AGO3: variants seen among roughly 807,000 people sequenced by gnomAD.
The protein encoded by AGO3 is argonaute RISC catalytic component 3, also known as protein argonaute-3.
AGO3 carries 16 observed loss-of-function variants against 105.5 expected under a neutral mutation model. The ratio of observed to expected loss-of-function variants is 0.15; its 90% CI spans 0.10 to 0.23. The LOEUF (loss-of-function observed/expected upper bound fraction) is 0.23. AGO3 is among the 10% of genes least tolerant of loss of function. The pLI, the probability that AGO3 is intolerant of heterozygous loss-of-function variation, is 1.00. For missense variants in AGO3, 534 were observed against 1,088.0 expected, an observed-to-expected ratio of 0.49 and a Z score of 7.16; for synonymous variants, 340 against 367.3, an observed-to-expected ratio of 0.93 and a Z score of 0.85.
chr1:36,019,950 T>A (rs948470687), intron 11 of AGO3, among the ~76,000 whole-genome samples: 8 of 152,130 alleles, frequency 5.3e-5, no homozygotes, highest in African/African-American at 1.9e-4. Context: ...TTGTATTTTT[T>A]AAGTAGAGAC....
rs758557420 is a variant in AGO3, at chr1:36,013,995, G to T, written c.1353G>T (p.Met451Ile). ...KQFHTGVEIK[M>I]WAIACFATQR... ...TCCACACAGGAGTTGAAATCAAAATGTGGGCTATCGCTTGTTTTGCCACAC... is the reference window on the plus strand; with the variant it reads ...TCCACACAGGAGTTGAAATCAAAATTTGGGCTATCGCTTGTTTTGCCACAC... Residue 451 changes from methionine to isoleucine, a missense_variant, in exon 11 of 19, where the codon ATG becomes ATT. Transcript: ENST00000373191. The T allele has an allele frequency of 1.9e-6, 3 of 1,614,010 alleles. No homozygotes were observed. Among genetic ancestry groups the T allele is most frequent in the Non-Finnish European group, 2.5e-6 (3 of 1,180,038 alleles).
At chr1:36,010,629 C>T (rs1640560893) in intron 9 of AGO3, among the ~76,000 whole-genome samples, 2 of 149,286 alleles carry the variant, frequency 1.3e-5, no homozygotes, top group African/African-American at 4.9e-5. Context: ...AAAAGAAGGT[C>T]GGGTGCGGTG....
At chr1:35,963,046 T>G (rs1217782520) in intron 2 of AGO3, among the ~76,000 whole-genome samples, 1 of 152,060 alleles carries the variant, frequency 6.6e-6, no homozygotes, top group Non-Finnish European at 1.5e-5. Context: ...CCTCAAGGAG[T>G]GCAGGTTAGT....
intron 11 of AGO3, among the ~76,000 whole-genome samples, chr1:36,018,827 A>G (rs1209661278): frequency 1.3e-5 from 2 of 152,056 alleles, no homozygotes; most frequent in African/African-American, 2.4e-5. Context: ...AACAGGCATG[A>G]ACTTGGAAAA....
chr1:36,055,363 A>C lies in AGO3; in HGVS notation c.2474+218A>C. On this transcript the variant is annotated intron_variant, in intron 18 of 18. Coordinates refer to ENST00000373191, the MANE Select transcript of AGO3 (RefSeq NM_024852.4). This position sits in a 1 kb window ranked among gnomAD's most constrained non-coding sequence, Gnocchi z 4.4. ...GTTTTACTACATTAATTCAAAGGAG[A>C]GATTATTGGTAATAAAGTGATACAT... The C allele has an allele frequency of 1.6e-6, 1 of 614,136 alleles. No homozygotes were observed. Among genetic ancestry groups the C allele is most frequent in the African/African-American group, 1.8e-5 (1 of 54,236 alleles). 38.0% of individuals were successfully genotyped at this position (614,136 alleles called of 1,614,324 possible).
At chr1:36,005,586 A>G (rs1230780712) in intron 6 of AGO3, 2 of 329,962 alleles carry the variant, frequency 6.1e-6, no homozygotes, top group African/African-American at 4.5e-5. Context: ...ATTACCTACC[A>G]TTAATATGTG....
intron 11 of AGO3, among the ~76,000 whole-genome samples, chr1:36,017,903 C>T (rs1420707900): frequency 6.6e-6 from 1 of 151,496 alleles, no homozygotes; most frequent in Non-Finnish European, 1.5e-5. Context: ...ACCCTGTCTC[C>T]AAAAAGGAAA....
chr1:36,039,546 T>A (rs567826130), intron 14 of AGO3, among the ~76,000 whole-genome samples: 54 of 149,356 alleles, frequency 3.6e-4, no homozygotes, highest in Admixed American at 7.3e-4. Context: ...GGGGTCTTGC[T>A]ATTTTGCCCA....
chr1:36,043,436 A>C lies in AGO3; in HGVS notation c.2173-11A>C, dbSNP rs1281843398. The C allele has an allele frequency of 6.2e-7, 1 of 1,609,504 alleles. No individual in the cohort carries two copies. Among genetic ancestry groups the C allele is most frequent in the African/African-American group, 1.3e-5 (1 of 74,826 alleles). Reference sequence around the variant, plus strand: ...TTCTTGTTTGTTTAAACTTTAACCAAACAAATCTAGGTTGGAAGAAGTGGC... The same window carrying C: ...TTCTTGTTTGTTTAAACTTTAACCACACAAATCTAGGTTGGAAGAAGTGGC... On this transcript the variant is annotated splice_polypyrimidine_tract_variant and intron_variant, in intron 16 of 18. Coordinates refer to ENST00000373191, the MANE Select transcript of AGO3 (RefSeq NM_024852.4).
chr1:35,951,471 C>T (rs1045820166), intron 2 of AGO3, among the ~76,000 whole-genome samples: 2 of 152,090 alleles, frequency 1.3e-5, no homozygotes, highest in Admixed American at 6.6e-5. Context: ...GATCACAGTT[C>T]ACTGCAGCCT....
rs1219486652 is a variant in AGO3 at position 36,057,542 on chromosome 1, A to C, written c.*1797A>C. On this transcript the variant is annotated 3_prime_UTR_variant, in exon 19 of 19. Coordinates refer to ENST00000373191, the MANE Select transcript of AGO3 (RefSeq NM_024852.4). The stretch of plus-strand genomic sequence containing the variant: ...TCTTTTAGTGCAATAAGCAGTTTTA[A>C]AGGAAAGTTGTGTCTGCATCTTTAC... The C allele has an allele frequency of 6.6e-6, 1 of 152,190 alleles. No individual in the cohort carries two copies. The highest frequency in any genetic ancestry group is 2.4e-5 in the African/African-American group (1 of 41,452). The allele number at this position is 152,190 out of a possible 1,614,324, so 9.4% of individuals were successfully genotyped here. A position where few individuals can be genotyped will look rare whatever the true frequency, so the allele number is the denominator to read the frequency against.
intron 2 of AGO3, among the ~76,000 whole-genome samples, chr1:35,951,176 C>T (rs1333731203): frequency 6.6e-6 from 1 of 152,194 alleles, no homozygotes; most frequent in Non-Finnish European, 1.5e-5. Context: ...GTCTCGAACT[C>T]CTGACCTCAG....
At chr1:35,983,882 A>G (rs1223405599) in intron 5 of AGO3, among the ~76,000 whole-genome samples, 1 of 152,246 alleles carries the variant, frequency 6.6e-6, no homozygotes, top group Non-Finnish European at 1.5e-5. Context: ...TATGGAACAT[A>G]TAGATAGACA....
rs1425476989 is a variant in AGO3, at chr1:36,061,757, G to A, written c.*6012G>A. ...TTTAATCATTTTTTAAAGCAAGGCG[G>A]TTCTTAGAAAGTGCCTTTTCAGAAG... On this transcript the variant is annotated 3_prime_UTR_variant, in exon 19 of 19. Transcript: ENST00000373191. 2 of 152,178 alleles carry A rather than the reference G, an allele frequency of 1.3e-5. No individual in the cohort carries two copies. The highest frequency in any genetic ancestry group is 4.8e-5 in the African/African-American group (2 of 41,444). 9.4% of individuals were successfully genotyped at this position (152,178 alleles called of 1,614,324 possible).
At chr1:36,039,175 G>C (rs187845640) in intron 14 of AGO3, among the ~76,000 whole-genome samples, 1 of 152,218 alleles carries the variant, frequency 6.6e-6, no homozygotes, top group Non-Finnish European at 1.5e-5. Flanking sequence ...TCTTCAACGG[G>C]AAGTACTATT....
intron 1 of AGO3, among the ~76,000 whole-genome samples, chr1:35,932,574 T>C (rs1382457450): frequency 1.3e-5 from 2 of 149,568 alleles, no homozygotes; most frequent in Non-Finnish European, 3.0e-5. Context: ...TTTTTTTTTT[T>C]ACAAATTTTG....
intron 12 of AGO3, among the ~76,000 whole-genome samples, chr1:36,031,932 C>CCACA (rs1273925795): frequency 5.3e-5 from 8 of 151,588 alleles, no homozygotes; most frequent in African/African-American, 1.9e-4. Flanking sequence ...TGTGTATACA[C>CCACA]CACATCTTGT....
chr1:35,931,645 T>C (rs1047701049), intron 1 of AGO3, among the ~76,000 whole-genome samples, 200 bp downstream of exon 1: 1 of 152,232 alleles, frequency 6.6e-6, no homozygotes, highest in Non-Finnish European at 1.5e-5. Flanking sequence ...TCGGCGAAAC[T>C]GCGAGGCGGG....
In AGO3 at chr1:35,972,856, A is replaced by ATTTTT. The variant is rs1165696072; in HGVS notation, c.522-502_522-498dup. On this transcript the variant is annotated intron_variant, in intron 4 of 18. Transcript: ENST00000373191. Reference sequence around the variant, plus strand: ...ATCATGCCTGACTAATTAAAAAAAAATTTTTTTTTTTTTTTTTTTTTGTAG... The same window carrying ATTTTT: ...ATCATGCCTGACTAATTAAAAAAAAATTTTTTTTTTTTTTTTTTTTTTTTTTGTAG... Among the ~76,000 whole-genome samples the ATTTTT allele has an allele frequency of 8.1e-3, 994 of 122,848 alleles. 10 individuals are homozygous for ATTTTT. Among genetic ancestry groups the ATTTTT allele is most frequent in the Non-Finnish European group, 0.014 (821 of 60,020 alleles). The allele number at this position is 122,848 out of a possible 152,430, so 80.6% of individuals were successfully genotyped here.
Sources: gnomAD v4.1 joint callset for allele counts (sites outside exome capture counted in the v4.1 genomes callset) on GRCh38, gnomAD v4.1.1 for gene constraint, Gnocchi (gnomAD v3.1) non-coding constraint, MANE v1.5 for transcripts, NCBI Gene and HGNC (gene_info 2026-07-23, HGNC 2026-07-21) for gene names.